SDK2: variants seen among roughly 807,000 people sequenced by gnomAD.
SDK2 encodes protein sidekick-2.
SDK2 carries 105 observed loss-of-function variants against 253.9 expected under a neutral mutation model. The observed-to-expected ratio is 0.41, with a 90% CI of 0.35 to 0.49. SDK2 has a LOEUF of 0.49. SDK2 is among the 20% of genes least tolerant of loss of function. The pLI is 0.06. For synonymous variants in SDK2, 1,249 were observed against 1,234.9 expected (o/e 1.01, Z -0.24); for missense variants, 2,608 against 3,003.0 (o/e 0.87, Z 3.07).
chr17:73,596,976 G>A (rs958596194), intron 1 of SDK2, among the ~76,000 whole-genome samples: 3 of 152,142 alleles, frequency 2.0e-5, no homozygotes, highest in South Asian at 2.1e-4. Flanking sequence ...GACTCTGGTC[G>A]GGAGTCCGGC....
At chr17:73,483,514 T>A (rs11651845) in intron 2 of SDK2, among the ~76,000 whole-genome samples, 125 of 126,672 alleles carry the variant, frequency 9.9e-4, no homozygotes, top group African/African-American at 1.7e-3. Context: ...TGTGTGTATG[T>A]GTGTGTGTAT....
chr17:73,519,627 A>G (rs2064059709), intron 1 of SDK2: 1 of 152,036 alleles, frequency 6.6e-6, no homozygotes, highest in Admixed American at 6.5e-5. Flanking sequence ...CTTCTCTTTT[A>G]TTTCTCTCAT....
At position 73,405,500 on chromosome 17, in the gene SDK2, ATATATATAT is replaced by A. The variant is rs1568385716; in HGVS notation, c.2485-3368_2485-3360del. Among the ~76,000 whole-genome samples, 11 of 99,822 alleles carry A rather than the reference ATATATATAT, an allele frequency of 1.1e-4. 1 individual carries two copies. Among genetic ancestry groups the A allele is most frequent in the African/African-American group, 1.8e-4 (5 of 27,324 alleles). 65.5% of individuals were successfully genotyped at this position (99,822 alleles called of 152,430 possible). A position where few individuals can be genotyped will look rare whatever the true frequency, so the allele number is the denominator to read the frequency against. On this transcript the variant is annotated intron_variant, in intron 18 of 44. Coordinates refer to ENST00000392650, the MANE Select transcript of SDK2 (RefSeq NM_001144952.2). The stretch of plus-strand genomic sequence containing the variant: ...TATATATATATATATATATATATAT[ATATATATAT>A]ATATATATAAAGATCGAGAATGTGG...
chr17:73,549,166 T>C (rs1250896136), intron 1 of SDK2, among the ~76,000 whole-genome samples: 1 of 152,194 alleles, frequency 6.6e-6, no homozygotes, highest in African/African-American at 2.4e-5. Flanking sequence ...TTTTCATTCA[T>C]GAGAAAGCTC....
At chr17:73,615,379 C>G (rs2046041367) in intron 1 of SDK2, among the ~76,000 whole-genome samples, 1 of 152,210 alleles carries the variant, frequency 6.6e-6, no homozygotes, top group Non-Finnish European at 1.5e-5. Context: ...CCCGGATGCC[C>G]TCCTCACCAT....
chr17:73,575,500 T>C (rs1261945997), intron 1 of SDK2, among the ~76,000 whole-genome samples: 4 of 152,158 alleles, frequency 2.6e-5, no homozygotes, highest in African/African-American at 9.7e-5. Flanking sequence ...GTAGACTCAT[T>C]TGGGGCTGAA....
At chr17:73,408,152 A>G (rs2063095718) in intron 18 of SDK2, among the ~76,000 whole-genome samples, 1 of 150,862 alleles carries the variant, frequency 6.6e-6, no homozygotes, top group Non-Finnish European at 1.5e-5. Flanking sequence ...CAAGAATTCA[A>G]GCAATTCTTC....
At chr17:73,615,442 T>G (rs1459720604) in intron 1 of SDK2, among the ~76,000 whole-genome samples, 1 of 152,210 alleles carries the variant, frequency 6.6e-6, no homozygotes, top group Non-Finnish European at 1.5e-5. Context: ...GCAAGTCTCT[T>G]TCTAGGTTTC....
Position 73,383,327 on chromosome 17 carries a change from C to T in SDK2, c.4705+549G>A, listed in dbSNP as rs970513271. On this transcript the variant is annotated intron_variant, in intron 33 of 44. Transcript: ENST00000392650. The surrounding 1 kb of genome is among the most constrained non-coding windows in gnomAD (Gnocchi z 4.3). ...GCTCTCCCTGACATTTCCACCTGGG[C>T]TCCCCTCTTTCCTTCCTTTGCTCCA... is the stretch of plus-strand genomic sequence containing the variant. Among the ~76,000 whole-genome samples, 1 of 152,230 alleles carries T rather than the reference C, an allele frequency of 6.6e-6. No individual in the cohort carries two copies. Among genetic ancestry groups the T allele is most frequent in the Admixed American group, 6.5e-5 (1 of 15,280 alleles).
Position 73,637,157 on chromosome 17 carries a change from A to C in SDK2, c.64+6868T>G, listed in dbSNP as rs567899641. ...TGGGGTTCTGCTTTAGGAATGTGCA[A>C]GGTAAAAATGTCTTGTGTAAAGTCA... On this transcript the variant is annotated intron_variant, in intron 1 of 44. Transcript: ENST00000392650. Among the ~76,000 whole-genome samples the C allele has an allele frequency of 1.1e-3, 173 of 152,320 alleles. 1 individual carries two copies. The highest frequency in any genetic ancestry group is 4.1e-3 in the African/African-American group (169 of 41,558).
In SDK2 at chr17:73,401,084, G is replaced by T; in HGVS notation, c.2907C>A (p.Ala969=). The T allele has an allele frequency of 6.4e-7, 1 of 1,570,848 alleles. No homozygotes were observed. Among genetic ancestry groups the T allele is most frequent in the Non-Finnish European group, 8.6e-7 (1 of 1,158,062 alleles). The change falls in exon 21 of 45, where the codon GCC becomes GCA. Residue 969 remains alanine, a synonymous_variant. Transcript: ENST00000392650. ...TALTTYTIEV[A]AMTSKGQGQV... ...GGCCCTGGCCCTTTGAGGTCATGGC[G>T]GCCACCTCGATGGTGTAGGTGGTGA...
At chr17:73,545,127 A>ACACACACACACACACACACACACACAC (rs1555601159) in intron 1 of SDK2, among the ~76,000 whole-genome samples, 6 of 151,164 alleles carry the variant, frequency 4.0e-5, no homozygotes, top group African/African-American at 9.8e-5. Flanking sequence ...ACACACACAC[A>ACACACACACACACACACACACACACAC]AAGTGGAGGC....
At chr17:73,452,888 C>T (rs1039438091) in intron 4 of SDK2, among the ~76,000 whole-genome samples, 19 of 152,176 alleles carry the variant, frequency 1.2e-4, no homozygotes, top group Admixed American at 9.8e-4. Context: ...GAGCATTCCC[C>T]TTCCACAGCA....
rs1429735532 is a variant in SDK2, at chr17:73,435,589, C to T, written c.1056G>A (p.Glu352=). 1.3e-6 allele frequency: 2 copies of T among 1,579,818 alleles called. No homozygotes were observed. The highest frequency in any genetic ancestry group is 1.7e-6 in the Non-Finnish European group (2 of 1,162,844). ...TGCGCTGCCGGAAGCGGGTCAACTT[C>T]TCCACCTCCACCACGGCTGCGTCCT... ...WYKDAAVVEV[E]KLTRFRQRND... The change falls in exon 9 of 45, where the codon GAG becomes GAA. Residue 352 remains glutamate (E), a synonymous_variant. Coordinates refer to ENST00000392650, the MANE Select transcript of SDK2 (RefSeq NM_001144952.2). The surrounding 1 kb of genome is among the most constrained non-coding windows in gnomAD (Gnocchi z 5.7).
Position 73,628,068 on chromosome 17 carries a change from AAAACC to A in SDK2, c.64+15952_64+15956del, listed in dbSNP as rs377743141. Among the ~76,000 whole-genome samples, 1,060 of 152,328 alleles carry A rather than the reference AAAACC, an allele frequency of 7.0e-3. 13 individuals carry two copies. The highest frequency in any genetic ancestry group is 0.024 in the African/African-American group (1,009 of 41,554). On this transcript the variant is annotated intron_variant, in intron 1 of 44. Transcript: ENST00000392650. ...CTCCGTCTCAAAAACAAAACAAAACAAAACCAAACCAAAAAACACCACATTTAACA... is the reference window on the plus strand; with the variant it reads ...CTCCGTCTCAAAAACAAAACAAAACAAAACCAAAAAACACCACATTTAACA...
intron 1 of SDK2, among the ~76,000 whole-genome samples, chr17:73,635,990 G>A (rs991767114): frequency 2.0e-5 from 3 of 152,068 alleles, no homozygotes; most frequent in African/African-American, 7.2e-5. Context: ...GGAGGAGGAG[G>A]AGTTCCAAGG....
intron 25 of SDK2, among the ~76,000 whole-genome samples, chr17:73,394,703 G>T (rs1222759605): frequency 6.6e-6 from 1 of 152,196 alleles, no homozygotes; most frequent in East Asian, 1.9e-4. Context: ...TGTGTGGATG[G>T]ATGAGAGTTG....
intron 1 of SDK2, among the ~76,000 whole-genome samples, chr17:73,571,567 A>G (rs2045387291): frequency 6.6e-6 from 1 of 152,178 alleles, no homozygotes; most frequent in South Asian, 2.1e-4. Flanking sequence ...CCTGTGCCTA[A>G]TGACCGCAGA....
intron 4 of SDK2, among the ~76,000 whole-genome samples, chr17:73,448,136 C>T (rs948029124): frequency 6.6e-6 from 1 of 152,184 alleles, no homozygotes; most frequent in Non-Finnish European, 1.5e-5. Context: ...TGATGTACAT[C>T]CAGACACTGA....
Sources: allele counts gnomAD v4.1 joint callset (sites outside exome capture counted in the v4.1 genomes callset), GRCh38; gene constraint gnomAD v4.1.1; non-coding constraint Gnocchi (gnomAD v3.1); transcripts MANE v1.5; gene names NCBI Gene and HGNC (gene_info 2026-07-23, HGNC 2026-07-21).